SLC66A2: variants seen among roughly 807,000 people sequenced by gnomAD.
The protein encoded by SLC66A2 is solute carrier family 66 member 2.
Under a neutral mutation model 25.5 loss-of-function variants are expected in SLC66A2, and 23 were observed. The observed-to-expected ratio is 0.90, with a 90% CI of 0.65 to 1.28. The LOEUF (loss-of-function observed/expected upper bound fraction) is 1.28. Among genes scored for constraint, SLC66A2 ranks in the 50% most tolerant of loss-of-function variants. The pLI is 0.00. For synonymous variants in SLC66A2, 193 were observed against 166.5 expected (o/e 1.16, Z -1.23); for missense variants, 396 against 373.1 (o/e 1.06, Z -0.51).
intron 4 of SLC66A2, among the ~76,000 whole-genome samples, chr18:79,931,132 G>C (rs1449611870): frequency 6.6e-6 from 1 of 152,076 alleles, no homozygotes; most frequent in Non-Finnish European, 1.5e-5. Flanking sequence ...TAATACAAAA[G>C]AAAGCTGTAA....
chr18:79,950,691 G>C, intron 2 of SLC66A2, 33 bp downstream of exon 2: 1 of 1,607,886 alleles, frequency 6.2e-7, no homozygotes, highest in African/African-American at 1.3e-5. Flanking sequence ...CTCTTCTCCG[G>C]GTGCAGCCCA....
intron 5 of SLC66A2, chr18:79,915,478 C>G (rs972839378): frequency 1.3e-5 from 2 of 152,380 alleles, no homozygotes; most frequent in African/African-American, 4.8e-5. Context: ...AGGGTCTCAG[C>G]GGTCCCGCAC....
chr18:79,922,604 C>T (rs1985382276), intron 4 of SLC66A2, among the ~76,000 whole-genome samples: 1 of 152,080 alleles, frequency 6.6e-6, no homozygotes, highest in Non-Finnish European at 1.5e-5. Context: ...CACTCATAAG[C>T]ACTCTCAGAA....
chr18:79,943,283 A>C, intron 3 of SLC66A2, 46 bp downstream of exon 3: 1 of 1,602,516 alleles, frequency 6.2e-7, no homozygotes, highest in Non-Finnish European at 8.5e-7. Context: ...AGAGTCACCT[A>C]CGCCCTGATT....
chr18:79,918,911 C>T lies in SLC66A2; in HGVS notation c.608+273G>A, dbSNP rs1209472405. Among the ~76,000 whole-genome samples, 1 of 152,222 alleles carries T rather than the reference C, an allele frequency of 6.6e-6. No individual in the cohort carries two copies. Among genetic ancestry groups the T allele is most frequent in the African/African-American group, 2.4e-5 (1 of 41,452 alleles). Reference sequence around the variant, plus strand: ...TGGCCAGGCACTCGGACATCCCTCCCACTGGAAGGTTCCGTCTCAACGGCC... The same window carrying T: ...TGGCCAGGCACTCGGACATCCCTCCTACTGGAAGGTTCCGTCTCAACGGCC... On this transcript the variant is annotated intron_variant, in intron 5 of 5. Coordinates refer to ENST00000397778, the MANE Select transcript of SLC66A2 (RefSeq NM_025078.5). This position sits in a 1 kb window ranked among gnomAD's most constrained non-coding sequence, Gnocchi z 4.0.
chr18:79,924,279 C>A (rs1177955029), intron 4 of SLC66A2, among the ~76,000 whole-genome samples: 1 of 152,136 alleles, frequency 6.6e-6, no homozygotes, highest in African/African-American at 2.4e-5. Context: ...CAGATTCATG[C>A]AACAACACGG....
rs1986068596 is a variant in SLC66A2 at position 79,927,267 on chromosome 18, C to T, written c.391+6702G>A. ...GGCTCAGCAGGACCCCAGGCGGGCA[C>T]ACAGGGGCTCATCTGGAGGGACCTG... On this transcript the variant is annotated intron_variant, in intron 4 of 5. Transcript: ENST00000397778. This position sits in a 1 kb window ranked among gnomAD's most constrained non-coding sequence, Gnocchi z 6.2. Among the ~76,000 whole-genome samples the T allele has an allele frequency of 6.6e-6, 1 of 151,872 alleles. No homozygotes were observed. Among genetic ancestry groups the T allele is most frequent in the Admixed American group, 6.5e-5 (1 of 15,272 alleles).
chr18:79,907,456 A>G (rs1982304479), intron 5 of SLC66A2, among the ~76,000 whole-genome samples: 1 of 148,344 alleles, frequency 6.7e-6, no homozygotes, highest in Admixed American at 6.9e-5. Flanking sequence ...AGTTTAAGCA[A>G]TTCTTCTGCC....
chr18:79,908,490 T>C (rs1011852429), intron 5 of SLC66A2, among the ~76,000 whole-genome samples: 2 of 152,212 alleles, frequency 1.3e-5, no homozygotes, highest in Non-Finnish European at 2.9e-5. Flanking sequence ...CTTTGATTCT[T>C]ACCAGTTTGA....
At chr18:79,950,069 GC>G (rs1378227105) in intron 2 of SLC66A2, among the ~76,000 whole-genome samples, 1 of 152,180 alleles carries the variant, frequency 6.6e-6, no homozygotes, top group Non-Finnish European at 1.5e-5. Context: ...CAGGCCAGGC[GC>G]CGTGGCTCAG....
At chr18:79,949,963 A>G (rs1004680940) in intron 2 of SLC66A2, 2 of 152,248 alleles carry the variant, frequency 1.3e-5, no homozygotes, top group Non-Finnish European at 2.9e-5. Context: ...TGTTAAAATT[A>G]ATTTCAATTT....
intron 2 of SLC66A2, among the ~76,000 whole-genome samples, chr18:79,947,992 G>A (rs545640032): frequency 1.3e-5 from 2 of 151,940 alleles, no homozygotes; most frequent in East Asian, 2.0e-4. Context: ...CTGGAGGGAC[G>A]CCCAGCAGGA....
intron 2 of SLC66A2, among the ~76,000 whole-genome samples, chr18:79,945,505 TC>T: frequency 6.6e-6 from 1 of 152,196 alleles, no homozygotes; most frequent in African/African-American, 2.4e-5. Flanking sequence ...GCCACCACCG[TC>T]CCCTTGCCTC....
intron 4 of SLC66A2, among the ~76,000 whole-genome samples, chr18:79,929,326 A>C (rs931979000): frequency 2.6e-5 from 4 of 152,160 alleles, no homozygotes; most frequent in African/African-American, 9.7e-5. Context: ...GACCACCAGA[A>C]GCTTAACGGG....
In SLC66A2 at chr18:79,927,242, G is replaced by A. The variant is rs1032108598; in HGVS notation, c.391+6727C>T. 1.3e-5 allele frequency among the ~76,000 whole-genome samples: 2 copies of A among 151,986 alleles called. No homozygotes were observed. The highest frequency in any genetic ancestry group is 2.9e-5 in the Non-Finnish European group (2 of 68,036). On this transcript the variant is annotated intron_variant, in intron 4 of 5. Transcript: ENST00000397778. This position sits in a 1 kb window ranked among gnomAD's most constrained non-coding sequence, Gnocchi z 6.2. The stretch of plus-strand genomic sequence containing the variant: ...TGCCCAGACCCGGAGCTGCAGGCAG[G>A]GCTCAGCAGGACCCCAGGCGGGCAC...
rs1982558081 is a variant in SLC66A2 at position 79,909,112 on chromosome 18, T to C, written c.609-4929A>G. The stretch of plus-strand genomic sequence containing the variant: ...GTCTTCCATGGTCCTATCAACAGTG[T>C]TGCTTTTCCTGCTACCAAGCACTTC... On this transcript the variant is annotated intron_variant, in intron 5 of 5. Transcript: ENST00000397778. Among the ~76,000 whole-genome samples the C allele has an allele frequency of 1.3e-5, 2 of 152,252 alleles. 1 individual carries two copies. The highest frequency in any genetic ancestry group is 4.1e-4 in the South Asian group (2 of 4,836).
intron 5 of SLC66A2, among the ~76,000 whole-genome samples, chr18:79,905,634 C>T (rs1251373088): frequency 6.6e-6 from 1 of 152,274 alleles, no homozygotes; most frequent in African/African-American, 2.4e-5. Context: ...TCGCCCCACG[C>T]AGCTTCCGGT....
At chr18:79,907,538 G>T (rs1206865144) in intron 5 of SLC66A2, among the ~76,000 whole-genome samples, 1 of 151,952 alleles carries the variant, frequency 6.6e-6, no homozygotes, top group African/African-American at 2.4e-5. Context: ...TTTTAGTAGA[G>T]ATGGGTTTCA....
intron 5 of SLC66A2, among the ~76,000 whole-genome samples, chr18:79,914,274 C>T (rs1259732881): frequency 6.6e-6 from 1 of 152,214 alleles, no homozygotes; most frequent in Non-Finnish European, 1.5e-5. Context: ...ATCTTAAACA[C>T]GACCCTGGAG....
Sources: gnomAD v4.1 joint callset for allele counts (sites outside exome capture counted in the v4.1 genomes callset) on GRCh38, gnomAD v4.1.1 for gene constraint, Gnocchi (gnomAD v3.1) non-coding constraint, MANE v1.5 for transcripts, NCBI Gene and HGNC (gene_info 2026-07-23, HGNC 2026-07-21) for gene names.